HAUS7: variants seen among roughly 807,000 people sequenced by gnomAD.
The protein encoded by HAUS7 is HAUS augmin like complex subunit 7, also known as HAUS augmin-like complex subunit 7.
A neutral mutation model predicts 28.4 loss-of-function variants in HAUS7; 3 were observed. The ratio of observed to expected loss-of-function variants is 0.11; its 90% CI spans 0.05 to 0.27. The LOEUF (loss-of-function observed/expected upper bound fraction) is 0.27. Among genes scored for constraint, HAUS7 ranks in the 10% least tolerant of loss-of-function variants. The pLI is 1.00. For synonymous variants in HAUS7, 165 were observed against 132.1 expected (o/e 1.25, Z -1.71); for missense variants, 284 against 297.3 (o/e 0.96, Z 0.33).
chrX:153,474,901 G>T (rs2089552704), upstream of HAUS7, among the ~76,000 whole-genome samples: 1 of 111,952 alleles, frequency 8.9e-6, no homozygotes, highest in African/African-American at 3.2e-5. Flanking sequence ...GAGACGCTCG[G>T]GTCTAGACGG....
At chrX:153,456,885 G>A (rs782718344) in intron 5 of HAUS7, 3 of 436,766 alleles carry the variant, frequency 6.9e-6, no homozygotes, top group African/African-American at 4.9e-5. Context: ...TGCCTGGCCC[G>A]TCTGCTCTGA....
chrX:153,456,678 C>A lies in HAUS7; in HGVS notation c.447-27G>T, dbSNP rs782620339. 35 of 1,128,400 alleles carry A rather than the reference C, an allele frequency of 3.1e-5. No individual in the cohort carries two copies. The African/African-American group carries it at 5.7e-4, about 18-fold the overall frequency. 93.0% of individuals were successfully genotyped at this position (1,128,400 alleles called of 1,213,427 possible). A position where few individuals can be genotyped will look rare whatever the true frequency, so the allele number is the denominator to read the frequency against. ...TGCAAAGGCAGCCCCCAGGGCCACA[C>A]CGTCACAGGCCAGAGCACTCGCCCA... On this transcript the variant is annotated intron_variant, in intron 5 of 9. Transcript: ENST00000370211.
chrX:153,448,098 G>C (rs1419895240), intron 9 of HAUS7, among the ~76,000 whole-genome samples, 189 bp from the exon 10 acceptor site: 1 of 109,904 alleles, frequency 9.1e-6, no homozygotes, highest in Non-Finnish European at 1.9e-5. Context: ...GCACACGTAT[G>C]TTTATTGCAG....
chrX:153,454,718 C>A, intron 8 of HAUS7: 2 of 490,095 alleles, frequency 4.1e-6, no homozygotes, highest in South Asian at 6.2e-5. Context: ...TCCCCTCTTC[C>A]TGGCCCAGTG....
At chrX:153,480,045 G>C (rs782330411) in intron 1 of HAUS7, among the ~76,000 whole-genome samples, 3 of 112,116 alleles carry the variant, frequency 2.7e-5, no homozygotes, top group African/African-American at 6.5e-5. Context: ...ATTGTGCCAG[G>C]TCGCAGCGAC....
chrX:153,493,410 G>A (rs782602417), intron 1 of HAUS7, among the ~76,000 whole-genome samples: 2 of 112,414 alleles, frequency 1.8e-5, no homozygotes, highest in South Asian at 7.5e-4. Context: ...TGGCAGTGGG[G>A]GAGGGAAAGA....
rs112499431 is a variant in HAUS7 at position 153,481,312 on chromosome X, AG to A, written c.-588-10168del. ...CTCGGGCAAGCCCCTGTTCCTCAGT[AG>A]GGCCCCTGTTGCTTGTGACCCAGCA... On this transcript the variant is annotated intron_variant, in intron 1 of 5. Transcript: ENST00000370210. 6,822 of 721,553 alleles carry A rather than the reference AG, an allele frequency of 9.5e-3. 323 individuals are homozygous for A. The African/African-American group carries it at 0.25, about 26-fold the overall frequency. 59.5% of individuals were successfully genotyped at this position (721,553 alleles called of 1,213,427 possible).
At chrX:153,486,280 A>G (rs1808596824) in intron 1 of HAUS7, among the ~76,000 whole-genome samples, 2 of 112,200 alleles carry the variant, frequency 1.8e-5, no homozygotes, top group African/African-American at 6.5e-5. Context: ...GGGCTCATCC[A>G]TCCTCCCCCA....
At chrX:153,484,481 A>G (rs782376209) in intron 1 of HAUS7, among the ~76,000 whole-genome samples, 1 of 109,966 alleles carries the variant, frequency 9.1e-6, no homozygotes, top group Admixed American at 9.6e-5. Context: ...GAGTCAGGAC[A>G]CGGTCCTGGG....
chrX:153,488,878 G>A (rs902351768), intron 1 of HAUS7, among the ~76,000 whole-genome samples: 1 of 113,221 alleles, frequency 8.8e-6, no homozygotes, highest in Non-Finnish European at 1.9e-5. Flanking sequence ...CCCCTCAGCT[G>A]CAGGAGGGCA....
At chrX:153,470,825 C>A, upstream of HAUS7, 1 of 424,036 alleles carries the variant, frequency 2.4e-6, no homozygotes. Flanking sequence ...GCGGGGCGGA[C>A]ACCGGGAAGG....
At chrX:153,490,358 A>G (rs1398439677) in intron 1 of HAUS7, among the ~76,000 whole-genome samples, 1 of 112,776 alleles carries the variant, frequency 8.9e-6, no homozygotes, top group African/African-American at 3.2e-5. Context: ...GAAGGTCAAA[A>G]AAAGCTCCTG....
intron 1 of HAUS7, among the ~76,000 whole-genome samples, chrX:153,475,748 G>C (rs1358258448): frequency 8.9e-6 from 1 of 112,392 alleles, no homozygotes; most frequent in Non-Finnish European, 1.9e-5. Flanking sequence ...TTTCTCTGGG[G>C]GTCACCCCAA....
intron 1 of HAUS7, 112 bp downstream of exon 1, chrX:153,470,338 C>A: frequency 1.3e-6 from 1 of 755,875 alleles, no homozygotes; most frequent in Non-Finnish European, 1.9e-6. Context: ...GCAGCCGGAA[C>A]CGGCGACGGT....
In HAUS7 at chrX:153,448,207, G is replaced by A. The variant is rs886188372; in HGVS notation, c.1046-298C>T. On this transcript the variant is annotated intron_variant, in intron 9 of 9. Coordinates refer to ENST00000370211, the MANE Select transcript of HAUS7 (RefSeq NM_001385482.1). ...GCACATATACACCATGGAATACTAC[G>A]CGGCCCATAAAAAAAGATGAGTTCA... is the stretch of plus-strand genomic sequence containing the variant. 1.4e-4 allele frequency among the ~76,000 whole-genome samples: 16 copies of A among 110,561 alleles called. No homozygotes were observed. The South Asian group carries it at 1.9e-3, about 13-fold the overall frequency.
At chrX:153,456,414 C>T (rs1556982198) in intron 6 of HAUS7, 50 bp from the exon 7 acceptor site, 2 of 1,175,919 alleles carry the variant, frequency 1.7e-6, no homozygotes, top group Non-Finnish European at 2.3e-6. Context: ...CCAGGGGTGT[C>T]TGCAGTAACA....
intron 3 of HAUS7, chrX:153,463,000 TC>T (rs1556983687): frequency 2.4e-6 from 1 of 411,695 alleles, no homozygotes; most frequent in African/African-American, 2.4e-5. Flanking sequence ...TGCCACTCTC[TC>T]CAAGACCTCA....
At chrX:153,479,624 C>T (rs1556986896) in intron 1 of HAUS7, among the ~76,000 whole-genome samples, 3 of 112,369 alleles carry the variant, frequency 2.7e-5, no homozygotes, top group Non-Finnish European at 5.7e-5. Flanking sequence ...CTGGCTGCCC[C>T]AGTGCCTCCT....
intron 1 of HAUS7, among the ~76,000 whole-genome samples, chrX:153,483,697 C>T (rs1260875386): frequency 8.9e-6 from 1 of 111,743 alleles, no homozygotes; most frequent in African/African-American, 3.3e-5. Context: ...CAGACTCTTC[C>T]AAGATATTGC....
Sources: allele counts gnomAD v4.1 joint callset (sites outside exome capture counted in the v4.1 genomes callset), GRCh38; gene constraint gnomAD v4.1.1; transcripts MANE v1.5; gene names NCBI Gene and HGNC (gene_info 2026-07-23, HGNC 2026-07-21).